DTL: variants seen among roughly 807,000 people sequenced by gnomAD.
DTL encodes denticleless protein homolog.
In DTL, 46 loss-of-function variants were observed where a neutral mutation model predicts 87.0. The ratio of observed to expected loss-of-function variants is 0.53; its 90% CI spans 0.42 to 0.68. The LOEUF is 0.68. Among genes scored for constraint, DTL ranks in the 30% least tolerant of loss-of-function variants. The pLI is 0.00. For missense variants in DTL, 737 were observed against 869.4 expected (o/e 0.85, Z 1.91); for synonymous variants, 308 against 311.2 (o/e 0.99, Z 0.11).
At chr1:212,036,136 A>G (rs1667448100) in intron 1 of DTL, among the ~76,000 whole-genome samples, 194 bp downstream of exon 1, 1 of 152,176 alleles carries the variant, frequency 6.6e-6, no homozygotes, top group Admixed American at 6.5e-5. Flanking sequence ...TGTAATCGTA[A>G]TCGGGCTTTT....
At position 212,056,476 on chromosome 1, in the gene DTL, A is replaced by G. The variant is rs145076749; in HGVS notation, c.461-6408A>G. Reference sequence around the variant, plus strand: ...GTGTCCTCTCCAACCATCACCATAGATACATCTTCAGGAAAATGTTCTCCA... The same window carrying G: ...GTGTCCTCTCCAACCATCACCATAGGTACATCTTCAGGAAAATGTTCTCCA... On this transcript the variant is annotated intron_variant, in intron 5 of 14. Transcript: ENST00000366991. Among the ~76,000 whole-genome samples, 327 of 152,350 alleles carry G rather than the reference A, an allele frequency of 2.1e-3. 5 individuals are homozygous for G. The highest frequency in any genetic ancestry group is 3.4e-3 in the Middle Eastern group (1 of 294).
intron 5 of DTL, among the ~76,000 whole-genome samples, chr1:212,053,576 T>C (rs1401646405): frequency 2.0e-5 from 3 of 152,134 alleles, no homozygotes; most frequent in African/African-American, 7.2e-5. Context: ...TTTTTCTTCC[T>C]TTTTTTGTTT....
chr1:212,044,602 G>GAAA (rs373465088), intron 2 of DTL, 58 bp from the exon 3 acceptor site: 485 of 886,530 alleles, frequency 5.5e-4, no homozygotes, highest in Middle Eastern at 1.0e-3. Context: ...GACTCCGTCT[G>GAAA]AAAAAAAAAA....
intron 3 of DTL, among the ~76,000 whole-genome samples, chr1:212,045,209 G>T (rs192402323): frequency 7.9e-5 from 12 of 152,264 alleles, no homozygotes; most frequent in Non-Finnish European, 1.8e-4. Flanking sequence ...TATAACATGA[G>T]ATTTGGGAAG....
chr1:212,050,817 T>A (rs1292992266), intron 5 of DTL, among the ~76,000 whole-genome samples: 3 of 152,220 alleles, frequency 2.0e-5, no homozygotes, highest in African/African-American at 7.2e-5. Flanking sequence ...TTTGGTTTAA[T>A]CTATTTTCCA....
At chr1:212,067,023 C>G in intron 8 of DTL, 138 bp downstream of exon 8, 1 of 678,340 alleles carries the variant, frequency 1.5e-6, no homozygotes, top group Non-Finnish European at 2.5e-6. Context: ...AGGAAAGGAG[C>G]TATAGATCAC....
chr1:212,068,399 A>G (rs886120621), intron 9 of DTL, 72 bp downstream of exon 9: 1 of 1,036,846 alleles, frequency 9.6e-7, no homozygotes, highest in Non-Finnish European at 1.4e-6. Context: ...GCTAATTTCC[A>G]GTAACATTGA....
chr1:212,037,290 A>G (rs949783266), intron 1 of DTL, among the ~76,000 whole-genome samples: 1 of 152,180 alleles, frequency 6.6e-6, no homozygotes, highest in African/African-American at 2.4e-5. Flanking sequence ...TTGTTACATA[A>G]TAGTCACTGA....
intron 14 of DTL, 24 bp downstream of exon 14, chr1:212,101,108 T>C (rs1558093862): frequency 6.6e-7 from 1 of 1,520,226 alleles, no homozygotes; most frequent in South Asian, 1.3e-5. Flanking sequence ...GGTGGGAAGA[T>C]ACATTTCCTA....
chr1:212,040,157 ATTCTAT>A (rs1486413505), intron 1 of DTL, among the ~76,000 whole-genome samples: 3 of 152,178 alleles, frequency 2.0e-5, no homozygotes, highest in Admixed American at 6.5e-5. Flanking sequence ...TCATATTCTT[ATTCTAT>A]AAGTTTTTTT....
In DTL at chr1:212,080,767, C is replaced by A. The variant is rs368997892; in HGVS notation, c.1261+17C>A. On this transcript the variant is annotated intron_variant, in intron 13 of 14. Coordinates refer to ENST00000366991, the MANE Select transcript of DTL (RefSeq NM_016448.4). ...CTGGCCTAGGTAAGGATATCATATA[C>A]TTTCCAAGTTTTTTATGGTTTGACT... The A allele has an allele frequency of 3.7e-6, 6 of 1,611,484 alleles. No homozygotes were observed. In the South Asian group the frequency reaches 6.6e-5, roughly 18 times the overall value.
chr1:212,064,389 A>G (rs1339195733), intron 6 of DTL, among the ~76,000 whole-genome samples: 1 of 152,154 alleles, frequency 6.6e-6, no homozygotes, highest in African/African-American at 2.4e-5. Flanking sequence ...CAGAGTTTAT[A>G]ATTTACATCA....
At chr1:212,088,115 C>A (rs896404501) in intron 13 of DTL, among the ~76,000 whole-genome samples, 13 of 152,180 alleles carry the variant, frequency 8.5e-5, no homozygotes, top group African/African-American at 3.1e-4. Context: ...TGGGACTGGA[C>A]CTGTATTTTT....
At chr1:212,046,234 T>C (rs1442918091) in intron 3 of DTL, among the ~76,000 whole-genome samples, 1 of 152,248 alleles carries the variant, frequency 6.6e-6, no homozygotes, top group Non-Finnish European at 1.5e-5. Context: ...CCACAAATTC[T>C]CTTTGCTCAT....
At chr1:212,062,218 A>T (rs779644544) in intron 5 of DTL, among the ~76,000 whole-genome samples, 7 of 152,208 alleles carry the variant, frequency 4.6e-5, no homozygotes, top group Non-Finnish European at 1.0e-4. Flanking sequence ...TGTACAACTA[A>T]TGCAAGTGGA....
intron 5 of DTL, among the ~76,000 whole-genome samples, chr1:212,048,269 A>G (rs2102531572): frequency 6.6e-6 from 1 of 152,218 alleles, no homozygotes; most frequent in African/African-American, 2.4e-5. Context: ...AGCTCACTGC[A>G]GCCTCCATCC....
At chr1:212,066,128 C>T (rs1458664526) in intron 7 of DTL, among the ~76,000 whole-genome samples, 1 of 152,034 alleles carries the variant, frequency 6.6e-6, no homozygotes, top group Non-Finnish European at 1.5e-5. Context: ...TAAAAAATTG[C>T]CCTTTTTCTC....
intron 14 of DTL, 91 bp downstream of exon 14, chr1:212,101,175 T>TG (rs879692584): frequency 2.0e-6 from 2 of 975,748 alleles, no homozygotes; most frequent in African/African-American, 3.3e-5. Context: ...TTTTTTTTTT[T>TG]AAAGAAAGAA....
chr1:212,078,225 T>G lies in DTL; in HGVS notation c.1088T>G (p.Val363Gly). 1 of 1,612,902 alleles carries G rather than the reference T, an allele frequency of 6.2e-7. No homozygotes were observed. The highest frequency in any genetic ancestry group is 8.5e-7 in the Non-Finnish European group (1 of 1,178,980). Residue 363 changes from valine (V) to glycine (G), a missense_variant, in exon 12 of 15, where the codon GTC becomes GGC. Transcript: ENST00000366991. ...PTVLLGHSQE[V>G]TSVCWCPSDF... is the part of the protein sequence containing the mutation. ...GTGCTCCTGGGTCATTCTCAAGAGG[T>G]CACGTCTGTGTGCTGGTGTCCATCT...
Sources: gnomAD v4.1 joint callset for allele counts (sites outside exome capture counted in the v4.1 genomes callset) on GRCh38, gnomAD v4.1.1 for gene constraint, MANE v1.5 for transcripts, NCBI Gene and HGNC (gene_info 2026-07-23, HGNC 2026-07-21) for gene names.